The following FSIP2 variants were observed in gnomAD, a reference collection of about 807,000 sequenced individuals.
The protein encoded by FSIP2 is fibrous sheath-interacting protein 2.
In FSIP2, 367 loss-of-function variants were observed where a neutral mutation model predicts 510.5. The ratio of observed to expected loss-of-function variants is 0.72; its 90% CI spans 0.66 to 0.78. The LOEUF is 0.78. Ranked by LOEUF, FSIP2 falls within the 30% of genes least tolerant of loss-of-function variation. The pLI, the probability that FSIP2 is intolerant of heterozygous loss-of-function variation, is 0.00. For missense variants in FSIP2, 7,594 were observed against 7,901.7 expected (o/e 0.96, Z 1.48); for synonymous variants, 2,601 against 2,732.2 (o/e 0.95, Z 1.50).
At chr2:185,770,816 C>A (rs1169538557) in intron 13 of FSIP2, among the ~76,000 whole-genome samples, 1 of 152,148 alleles carries the variant, frequency 6.6e-6, no homozygotes, top group South Asian at 2.1e-4. Context: ...TAATTTGAGA[C>A]TTAATGTATA....
chr2:185,804,257 T>C lies in FSIP2; in HGVS notation c.14951T>C (p.Ile4984Thr), dbSNP rs759852817. 4 of 1,529,194 alleles carry C rather than the reference T, an allele frequency of 2.6e-6. No homozygotes were observed. The allele number at this position is 1,529,194 out of a possible 1,614,324, so 94.7% of individuals were successfully genotyped here. The change falls in exon 17 of 23, where the codon ATT becomes ACT. Residue 4984 changes from isoleucine (I) to threonine (T), a missense_variant. Physicochemically the swap from Ile to Thr is moderately conservative, Grantham distance 89. Coordinates refer to ENST00000424728, the MANE Select transcript of FSIP2 (RefSeq NM_173651.4). ...AGAGTGAAACTGAAACTTACCAGGA[T>C]TGTTACAACATTGGTAAATTCAATT... ...PDRVKLKLTR[I>T]VTTLVNSIVL...
At chr2:185,816,344 C>T (rs753777124) in intron 19 of FSIP2, among the ~76,000 whole-genome samples, 14 of 151,428 alleles carry the variant, frequency 9.2e-5, no homozygotes, top group African/African-American at 3.2e-4. Flanking sequence ...AATGTTGGAA[C>T]CTCTTTATTG....
In FSIP2 at chr2:185,745,487, G is replaced by A. The variant is rs1207919050; in HGVS notation, c.536G>A (p.Cys179Tyr). 6.5e-7 allele frequency: 1 copy of A among 1,534,416 alleles called. No homozygotes were observed. The change falls in exon 5 of 23, where the codon TGT becomes TAT. Residue 179 changes from cysteine (C) to tyrosine (Y), a missense_variant. Coordinates refer to ENST00000424728, the MANE Select transcript of FSIP2 (RefSeq NM_173651.4). Reference sequence around the variant, plus strand: ...GAAAACAATCAAATCCCTCAACATTGTGATGTTGCACAAGTCCAAAACTGG... The same window carrying A: ...GAAAACAATCAAATCCCTCAACATTATGATGTTGCACAAGTCCAAAACTGG... ...IPENNQIPQH[C>Y]DVAQVQNWLL...
At chr2:185,819,706 G>C (rs1312257195) in intron 19 of FSIP2, among the ~76,000 whole-genome samples, 1 of 151,828 alleles carries the variant, frequency 6.6e-6, no homozygotes, top group Non-Finnish European at 1.5e-5. Flanking sequence ...TATATTATAT[G>C]ATATTTTTAA....
At chr2:185,784,994 G>A (rs1459053626) in intron 14 of FSIP2, among the ~76,000 whole-genome samples, 1 of 152,046 alleles carries the variant, frequency 6.6e-6, no homozygotes, top group Non-Finnish European at 1.5e-5. Context: ...AATTTTACCT[G>A]TAGGCCTTTG....
chr2:185,814,342 T>C (rs1171549860), intron 18 of FSIP2, among the ~76,000 whole-genome samples: 3 of 152,062 alleles, frequency 2.0e-5, no homozygotes, highest in African/African-American at 7.2e-5. Context: ...CCTTTTGTAT[T>C]TTGGCTGGTA....
intron 20 of FSIP2, among the ~76,000 whole-genome samples, chr2:185,825,058 T>A (rs1574209376): frequency 6.6e-6 from 1 of 151,842 alleles, no homozygotes; most frequent in East Asian, 1.9e-4. Context: ...AGGTAGAGTG[T>A]CATGTTTACT....
chr2:185,783,432 A>G (rs950289775), intron 14 of FSIP2, among the ~76,000 whole-genome samples: 1 of 152,194 alleles, frequency 6.6e-6, no homozygotes, highest in African/African-American at 2.4e-5. Flanking sequence ...AAAAATGAAC[A>G]AGCCAAATGA....
At position 185,788,941 on chromosome 2, in the gene FSIP2, CT is replaced by C; in HGVS notation, c.1806del (p.Pro603LeufsTer15). ...VRRPTTPIKP[P>X]PAHVEKTVVG... ...AGACCAACCACACCTATAAAACCTC[CT>C]CCTGCACATGTGGAAAAAACAGTTG... On this transcript the variant is annotated frameshift_variant, in exon 16 of 23. Coordinates refer to ENST00000424728, the MANE Select transcript of FSIP2 (RefSeq NM_173651.4). LOFTEE classifies it high-confidence loss of function. The C allele has an allele frequency of 1.3e-6, 2 of 1,534,994 alleles. No homozygotes were observed. Among genetic ancestry groups the C allele is most frequent in the East Asian group, 4.9e-5 (2 of 40,856 alleles).
intron 21 of FSIP2, 37 bp from the exon 22 acceptor site, chr2:185,831,776 T>A: frequency 7.2e-7 from 1 of 1,393,986 alleles, no homozygotes; most frequent in Non-Finnish European, 1.0e-6. Flanking sequence ...TTGTGTCCAG[T>A]GAAAGACTCA....
rs927428616 is a variant in FSIP2, at chr2:185,806,833, C to A, written c.17527C>A (p.Gln5843Lys). The change falls in exon 17 of 23, where the codon CAA (glutamine) becomes AAA (lysine). Residue 5843 changes from glutamine to lysine, a missense_variant. By Grantham distance (53) the Gln-to-Lys change is moderately conservative. Coordinates refer to ENST00000424728, the MANE Select transcript of FSIP2 (RefSeq NM_173651.4). ...NSLLKEFSDAQIKVFRPDKGN... is the reference protein window; with the variant it reads ...NSLLKEFSDAKIKVFRPDKGN... ...ACTGTTAAAGGAGTTCTCAGATGCT[C>A]AAATTAAGGTTTTCAGGCCAGATAA... 17 of 1,609,628 alleles carry A rather than the reference C, an allele frequency of 1.1e-5. No homozygotes were observed. Among genetic ancestry groups the A allele is most frequent in the Non-Finnish European group, 1.4e-5 (17 of 1,178,208 alleles).
rs1280354722 is a variant in FSIP2, at chr2:185,795,541, C to A, written c.8405C>A (p.Ser2802Ter). ...YPMKSSHLRLSQGNIGTGSLP... is the reference protein window; with the variant it reads ...YPMKSSHLRL Reference sequence around the variant, plus strand: ...ATGAAATCCTCACATCTCAGACTTTCACAGGGGAATATAGGCACAGGATCC... The same window carrying A: ...ATGAAATCCTCACATCTCAGACTTTAACAGGGGAATATAGGCACAGGATCC... The change falls in exon 16 of 23, where the codon TCA becomes TAA. Residue 2802 changes from serine to a stop codon, truncating the protein, a stop_gained. Transcript: ENST00000424728. LOFTEE classifies it high-confidence loss of function. The A allele has an allele frequency of 1.3e-6, 2 of 1,534,708 alleles. No individual in the cohort carries two copies. The highest frequency in any genetic ancestry group is 2.4e-5 in the East Asian group (1 of 40,860).
At chr2:185,778,640 G>C (rs1692777147) in intron 13 of FSIP2, among the ~76,000 whole-genome samples, 1 of 151,856 alleles carries the variant, frequency 6.6e-6, no homozygotes, top group Non-Finnish European at 1.5e-5. Flanking sequence ...GAGGAATCTA[G>C]AGCATGCTTT....
intron 21 of FSIP2, among the ~76,000 whole-genome samples, chr2:185,831,157 A>G (rs1694101525): frequency 6.6e-6 from 1 of 151,906 alleles, no homozygotes; most frequent in African/African-American, 2.4e-5. Context: ...TTTTTAACAG[A>G]TGACATTTTA....
At chr2:185,779,954 A>C (rs949505279) in intron 13 of FSIP2, among the ~76,000 whole-genome samples, 1 of 150,758 alleles carries the variant, frequency 6.6e-6, no homozygotes, top group Non-Finnish European at 1.5e-5. Context: ...AGCACTTTAA[A>C]GATAATGGAT....
At position 185,793,268 on chromosome 2, in the gene FSIP2, A is replaced by G. The variant is rs756500209; in HGVS notation, c.6132A>G (p.Ala2044=). The G allele has an allele frequency of 2.6e-6, 4 of 1,534,272 alleles. 1 individual carries two copies. The South Asian group carries it at 4.8e-5, about 18-fold the overall frequency. The part of the protein sequence containing the change: ...SESIASQIVN[A]LLDIISRKGK... ...GTATTGCAAGTCAAATTGTTAACGC[A>G]TTGTTAGACATTATATCACGTAAAG... The change falls in exon 16 of 23, where the codon GCA becomes GCG. Residue 2044 remains alanine, a synonymous_variant. Transcript: ENST00000424728.
At chr2:185,756,726 G>C (rs1692254260) in intron 9 of FSIP2, among the ~76,000 whole-genome samples, 1 of 151,058 alleles carries the variant, frequency 6.6e-6, no homozygotes, top group Admixed American at 6.6e-5. Context: ...AGAGCTCATT[G>C]AAAGATTATA....
chr2:185,817,039 CAGAA>C (rs1273072927), intron 19 of FSIP2, among the ~76,000 whole-genome samples: 1 of 151,220 alleles, frequency 6.6e-6, no homozygotes, highest in Non-Finnish European at 1.5e-5. Flanking sequence ...GCAAGGGAGA[CAGAA>C]AGGGAAAAAA....
Position 185,802,615 on chromosome 2 carries a change from G to A in FSIP2, c.13309G>A (p.Glu4437Lys). The A allele has an allele frequency of 6.5e-7, 1 of 1,533,544 alleles. No individual in the cohort carries two copies. The highest frequency in any genetic ancestry group is 8.7e-7 in the Non-Finnish European group (1 of 1,145,260). The allele number at this position is 1,533,544 out of a possible 1,614,324, so 95.0% of individuals were successfully genotyped here. ...TTCTACCTATTCTAATTCAGTGGCTGAGAATATTGTTCAGGACATCCTTAG... is the reference window on the plus strand; with the variant it reads ...TTCTACCTATTCTAATTCAGTGGCTAAGAATATTGTTCAGGACATCCTTAG... ...SASTYSNSVA[E>K]NIVQDILSNI... The change falls in exon 17 of 23, where the codon GAG (glutamate) becomes AAG (lysine). Residue 4437 changes from glutamate (E) to lysine (K), a missense_variant. Glu to Lys is a moderately conservative substitution (Grantham distance 56, BLOSUM62 1). Transcript: ENST00000424728.
Sources: gnomAD v4.1 joint callset for allele counts (sites outside exome capture counted in the v4.1 genomes callset) on GRCh38, gnomAD v4.1.1 for gene constraint, MANE v1.5 for transcripts, NCBI Gene and HGNC (gene_info 2026-07-23, HGNC 2026-07-21) for gene names.